NPC1: variants seen among roughly 807,000 people sequenced by gnomAD.
NPC1 encodes the protein NPC intracellular cholesterol transporter 1, also known as Niemann-Pick C1 protein.
Under a neutral mutation model 140.4 loss-of-function variants are expected in NPC1, and 85 were observed. The observed-to-expected ratio is 0.61, with a 90% CI of 0.51 to 0.72. The LOEUF (loss-of-function observed/expected upper bound fraction) is 0.72, where lower values mean the gene tolerates loss of function less well. NPC1 is among the 30% of genes least tolerant of loss of function. The pLI is 0.00. For missense variants in NPC1, 1,504 were observed against 1,623.8 expected (o/e 0.93, Z 1.27); for synonymous variants, 656 against 624.8 (o/e 1.05, Z -0.74).
Position 23,541,439 on chromosome 18 carries a change from G to A in NPC1, c.2246-6C>T, listed in dbSNP as rs757950161. The A allele has an allele frequency of 7.7e-5, 124 of 1,614,062 alleles. No homozygotes were observed. In the South Asian group the frequency reaches 1.0e-3, roughly 13 times the overall value. On this transcript the variant is annotated splice_region_variant and splice_polypyrimidine_tract_variant and intron_variant, in intron 14 of 24. Coordinates refer to ENST00000269228, the MANE Select transcript of NPC1 (RefSeq NM_000271.5). Reference sequence around the variant, plus strand: ...TGGCATCACGGACAATGCTCCTGTCGGGGAGAGAAGGGCTCTGCGTCACTT... The same window carrying A: ...TGGCATCACGGACAATGCTCCTGTCAGGGAGAGAAGGGCTCTGCGTCACTT...
At chr18:23,551,960 C>T (rs1412092475) in intron 9 of NPC1, among the ~76,000 whole-genome samples, 3 of 152,108 alleles carry the variant, frequency 2.0e-5, no homozygotes, top group African/African-American at 2.4e-5. Context: ...TGGTGCATGG[C>T]GCTATGCAGG....
chr18:23,541,149 C>G lies in NPC1; in HGVS notation c.2433G>C (p.Gln811His). ...AGCGAAACAAACAGCTCTCTGAGGCCTGGACGCTTGTTCCATCTTCAGCAC... is the reference window on the plus strand; with the variant it reads ...AGCGAAACAAACAGCTCTCTGAGGCGTGGACGCTTGTTCCATCTTCAGCAC... ...VRGAEDGTSV[Q>H]ASESCLFRFF... Residue 811 changes from glutamine (Q) to histidine (H), a missense_variant, in exon 16 of 25, where the codon CAG becomes CAC. Transcript: ENST00000269228. The G allele has an allele frequency of 1.2e-6, 2 of 1,614,192 alleles. No individual in the cohort carries two copies. Among genetic ancestry groups the G allele is most frequent in the South Asian group, 2.2e-5 (2 of 91,078 alleles).
At chr18:23,550,475 A>ATTTTTTTTTTTTTTTT (rs1491268509) in intron 10 of NPC1, among the ~76,000 whole-genome samples, 3 of 53,502 alleles carry the variant, frequency 5.6e-5, no homozygotes, top group African/African-American at 2.9e-4. Flanking sequence ...CAGTTCTTAC[A>ATTTTTTTTTTTTTTTT]TTTCTTTTTT....
In NPC1 at chr18:23,586,420, G is replaced by A. The variant is rs915339863; in HGVS notation, c.-77C>T. The A allele has an allele frequency of 2.8e-5, 42 of 1,525,338 alleles. No individual in the cohort carries two copies. In the African/African-American group the frequency reaches 3.1e-4, roughly 11 times the overall value. The allele number at this position is 1,525,338 out of a possible 1,614,324, so 94.5% of individuals were successfully genotyped here. On this transcript the variant is annotated 5_prime_UTR_variant, in exon 1 of 25. Coordinates refer to ENST00000269228, the MANE Select transcript of NPC1 (RefSeq NM_000271.5). ...CCCCGGAGGCGGCTCTACTTCCCCG[G>A]GCTGTTTCAGCACCCCGCGCAGGAG... is the stretch of plus-strand genomic sequence containing the variant.
downstream of NPC1, among the ~76,000 whole-genome samples, chr18:23,517,568 G>A (rs1002294786): frequency 2.4e-4 from 36 of 152,248 alleles, no homozygotes; most frequent in African/African-American, 8.7e-4. Flanking sequence ...TATCTGATTC[G>A]ACAATAGTCA....
chr18:23,573,316 G>C (rs2059229629), intron 2 of NPC1, 136 bp downstream of exon 2: 2 of 1,254,436 alleles, frequency 1.6e-6, no homozygotes, highest in African/African-American at 2.9e-5. Context: ...ACAGGTTAGA[G>C]TTTGAGAGTC....
At chr18:23,585,729 C>A (rs2059410199) in intron 1 of NPC1, among the ~76,000 whole-genome samples, 2 of 152,182 alleles carry the variant, frequency 1.3e-5, no homozygotes, top group South Asian at 4.1e-4. Flanking sequence ...CAATACCGCC[C>A]TGTGAGTCTC....
Position 23,554,961 on chromosome 18 carries a change from G to A in NPC1, c.1350C>T (p.Ile450=), listed in dbSNP as rs368945671. 10 of 1,612,674 alleles carry A rather than the reference G, an allele frequency of 6.2e-6. No homozygotes were observed. The highest frequency in any genetic ancestry group is 1.7e-5 in the Admixed American group (1 of 60,006). ...LHQVLDLQIA[I]ENITASYDNE... Reference sequence around the variant, plus strand: ...TGTCATAAGAGGCAGTAATGTTTTCGATGGCTATTTGTAAGTCAAGAACCT... The same window carrying A: ...TGTCATAAGAGGCAGTAATGTTTTCAATGGCTATTTGTAAGTCAAGAACCT... The change falls in exon 9 of 25, where the codon ATC becomes ATT. Residue 450 remains isoleucine (I), a synonymous_variant. Transcript: ENST00000269228.
intron 6 of NPC1, 124 bp downstream of exon 6, chr18:23,560,107 G>T: frequency 8.7e-7 from 1 of 1,154,462 alleles, no homozygotes; most frequent in Non-Finnish European, 1.3e-6. Context: ...AATAATCCAT[G>T]CAATGGTATT....
At chr18:23,554,484 T>C (rs2058920001) in intron 9 of NPC1, among the ~76,000 whole-genome samples, 1 of 152,108 alleles carries the variant, frequency 6.6e-6, no homozygotes. Flanking sequence ...CACACACCTG[T>C]AGTCCTAGCT....
intron 3 of NPC1, among the ~76,000 whole-genome samples, chr18:23,571,610 T>C (rs2059204217): frequency 6.6e-6 from 1 of 150,658 alleles, no homozygotes; most frequent in Non-Finnish European, 1.5e-5. Context: ...GCTGAGATCA[T>C]GCCACTGTAC....
exon 2 of NPC1, chr18:23,522,399 G>C (rs2058166296): frequency 6.6e-6 from 1 of 152,086 alleles, no homozygotes; most frequent in Admixed American, 6.6e-5. Flanking sequence ...ACGGTCTGTG[G>C]GCCACATGTG....
chr18:23,543,411 G>C lies in NPC1; in HGVS notation c.2245+44C>G. The C allele has an allele frequency of 3.6e-6, 4 of 1,108,886 alleles. No homozygotes were observed. The East Asian group carries it at 9.4e-5, about 26-fold the overall frequency. The allele number at this position is 1,108,886 out of a possible 1,614,324, so 68.7% of individuals were successfully genotyped here. Reference sequence around the variant, plus strand: ...AGGTAGCCAGCTCCTTCTTTCTCCAGGCTCAGCAGACTACAGGACTGGTAG... The same window carrying C: ...AGGTAGCCAGCTCCTTCTTTCTCCACGCTCAGCAGACTACAGGACTGGTAG... On this transcript the variant is annotated intron_variant, in intron 14 of 24. Transcript: ENST00000269228.
At chr18:23,527,672 TC>T, downstream of NPC1, 1 of 758,836 alleles carries the variant, frequency 1.3e-6, no homozygotes, top group South Asian at 1.4e-5. Flanking sequence ...AAGTAGAGTG[TC>T]CTTTAAAGGT....
intron 12 of NPC1, 63 bp downstream of exon 12, chr18:23,544,897 T>TA (rs1164706360): frequency 2.5e-6 from 3 of 1,206,020 alleles, no homozygotes; most frequent in Non-Finnish European, 3.7e-6. Flanking sequence ...GAGGCAAAAA[T>TA]ATGACGTTAC....
Position 23,554,860 on chromosome 18 carries a change from A to G in NPC1, c.1451T>C (p.Val484Ala), listed in dbSNP as rs1241922861. 1 of 1,614,142 alleles carries G rather than the reference A, an allele frequency of 6.2e-7. No individual in the cohort carries two copies. Among genetic ancestry groups the G allele is most frequent in the East Asian group, 2.2e-5 (1 of 44,884 alleles). The change falls in exon 9 of 25, where the codon GTG (valine) becomes GCG (alanine). Residue 484 changes from valine (V) to alanine (A), a missense_variant. Transcript: ENST00000269228. ...ATGGCTGTTCTGGAAGTAATTTAAC[A>G]CACTCAAAATGGTGCAGTTCGTGTT... Reference protein sequence around the residue: ...PYNTNCTILSVLNYFQNSHSV... With the variant: ...PYNTNCTILSALNYFQNSHSV...
chr18:23,566,565 T>C (rs2059127251), intron 4 of NPC1, among the ~76,000 whole-genome samples: 1 of 140,262 alleles, frequency 7.1e-6, no homozygotes, highest in Admixed American at 7.4e-5. Context: ...ACCAACACAG[T>C]GAGGCCCGTC....
downstream of NPC1, chr18:23,524,493 G>A (rs1273180992): frequency 3.7e-6 from 6 of 1,613,402 alleles, no homozygotes; most frequent in African/African-American, 1.3e-5. Context: ...GTAGGTCAGC[G>A]GGGACAGTTG....
intron 14 of NPC1, 103 bp downstream of exon 14, chr18:23,543,352 A>G (rs1305656482): frequency 1.9e-5 from 14 of 725,400 alleles, no homozygotes; most frequent in Non-Finnish European, 3.1e-5. Flanking sequence ...AAAAAGAAAA[A>G]AAAAAAAAGG....
Sources: gnomAD v4.1 joint callset for allele counts (sites outside exome capture counted in the v4.1 genomes callset) on GRCh38, gnomAD v4.1.1 for gene constraint, MANE v1.5 for transcripts, NCBI Gene and HGNC (gene_info 2026-07-23, HGNC 2026-07-21) for gene names.